Variants in OSBPL10 observed in about 807,000 individuals in gnomAD.
The protein encoded by OSBPL10 is oxysterol-binding protein-related protein 10.
OSBPL10 carries 49 observed loss-of-function variants against 81.7 expected under a neutral mutation model. The observed-to-expected ratio is 0.60, with a 90% CI of 0.48 to 0.76. OSBPL10 has a LOEUF of 0.76. OSBPL10 is among the 30% of genes least tolerant of loss of function. The probability of loss-of-function intolerance (pLI) is 0.00; values close to 1 mark genes in which losing one functional copy is unlikely to be tolerated. For missense variants in OSBPL10, 923 were observed against 987.8 expected (o/e 0.93, Z 0.88); for synonymous variants, 419 against 383.6 (o/e 1.09, Z -1.08).
intron 4 of OSBPL10, among the ~76,000 whole-genome samples, chr3:31,763,767 T>C (rs1186513430): frequency 6.6e-6 from 1 of 152,086 alleles, no homozygotes; most frequent in Non-Finnish European, 1.5e-5. Context: ...CATCTCCAAA[T>C]GGCACTTGAA....
intron 1 of OSBPL10, among the ~76,000 whole-genome samples, chr3:31,913,334 C>T (rs149650211): frequency 0.02 from 2,990 of 151,914 alleles, 38 homozygotes; most frequent in Non-Finnish European, 0.029. Context: ...CTACAACCTC[C>T]ACCTCCCAGG....
intron 11 of OSBPL10, chr3:31,663,191 T>A: frequency 1.0e-6 from 1 of 985,414 alleles, no homozygotes; most frequent in Non-Finnish European, 1.2e-6. Flanking sequence ...AGCCCACAGA[T>A]ACATTTTGAT....
intron 1 of OSBPL10, among the ~76,000 whole-genome samples, chr3:31,921,920 G>C (rs765690146): frequency 6.6e-6 from 1 of 152,178 alleles, no homozygotes; most frequent in Non-Finnish European, 1.5e-5. Context: ...CTTTCCCTCT[G>C]TGATCTTCCT....
rs59233088 is a variant in OSBPL10, at chr3:31,878,815, ATGTG to A, written c.457+836_457+839del. On this transcript the variant is annotated intron_variant, in intron 2 of 11. Transcript: ENST00000396556. ...TAAATAATATAGACTCTGCGTGTCCATGTGTGTGTGTGTGTGTGTGTGTGTGTGT... is the reference window on the plus strand; with the variant it reads ...TAAATAATATAGACTCTGCGTGTCCATGTGTGTGTGTGTGTGTGTGTGTGT... 6.3e-3 allele frequency among the ~76,000 whole-genome samples: 855 copies of A among 136,402 alleles called. 9 individuals are homozygous for A. The highest frequency in any genetic ancestry group is 0.022 in the African/African-American group (757 of 35,112). 89.5% of individuals were successfully genotyped at this position (136,402 alleles called of 152,430 possible). A position where few individuals can be genotyped will look rare whatever the true frequency, so the allele number is the denominator to read the frequency against.
chr3:31,996,926 C>T (rs1311544291), intron 2 of OSBPL10, among the ~76,000 whole-genome samples: 1 of 152,160 alleles, frequency 6.6e-6, no homozygotes, highest in Admixed American at 6.5e-5. Flanking sequence ...AGCTTCTACC[C>T]TTCTTCCCAG....
At chr3:32,057,910 A>G (rs1699725198) in intron 1 of OSBPL10, among the ~76,000 whole-genome samples, 1 of 152,224 alleles carries the variant, frequency 6.6e-6, no homozygotes, top group Non-Finnish European at 1.5e-5. Flanking sequence ...CACTTGAGGA[A>G]GGGCAACCTA....
At chr3:31,926,208 T>C (rs987863714) in intron 1 of OSBPL10, among the ~76,000 whole-genome samples, 1 of 150,498 alleles carries the variant, frequency 6.6e-6, no homozygotes, top group South Asian at 2.1e-4. Flanking sequence ...CATTTTCTTA[T>C]AATAACATAA....
chr3:31,919,323 G>A (rs1384608693), intron 1 of OSBPL10: 1 of 152,176 alleles, frequency 6.6e-6, no homozygotes, highest in Non-Finnish European at 1.5e-5. Flanking sequence ...AATTCCCTAT[G>A]ACTTATTTAT....
chr3:32,043,915 G>A (rs966856727), intron 2 of OSBPL10, among the ~76,000 whole-genome samples: 3 of 152,046 alleles, frequency 2.0e-5, no homozygotes, highest in Non-Finnish European at 4.4e-5. Context: ...TATTAGAGGG[G>A]GAATGGAGGG....
At chr3:31,675,593 A>C (rs916480457) in intron 8 of OSBPL10, among the ~76,000 whole-genome samples, 9 of 152,172 alleles carry the variant, frequency 5.9e-5, no homozygotes, top group African/African-American at 1.9e-4. Context: ...TTTATGTCTT[A>C]ATTACTCCTC....
At chr3:31,908,325 TG>T (rs760778034) in intron 1 of OSBPL10, among the ~76,000 whole-genome samples, 22 of 152,238 alleles carry the variant, frequency 1.4e-4, no homozygotes, top group Non-Finnish European at 3.1e-4. Context: ...GAATGATGCT[TG>T]GGTGGGTGGA....
chr3:31,776,583 T>C (rs1269354629), intron 4 of OSBPL10, among the ~76,000 whole-genome samples: 2 of 152,128 alleles, frequency 1.3e-5, no homozygotes, highest in African/African-American at 4.8e-5. Flanking sequence ...TGGATAAATG[T>C]GGTATATCCA....
chr3:31,841,541 G>C (rs1260225846), intron 3 of OSBPL10, among the ~76,000 whole-genome samples: 1 of 152,216 alleles, frequency 6.6e-6, no homozygotes, highest in East Asian at 1.9e-4. Flanking sequence ...TATTTTAAAT[G>C]AGAAGATATT....
chr3:31,994,007 C>A (rs34743632), intron 2 of OSBPL10, among the ~76,000 whole-genome samples: 52,674 of 151,986 alleles, frequency 0.35, 12,768 homozygotes, highest in African/African-American at 0.68. Context: ...AAATGTAAAC[C>A]AACTATGGTA....
chr3:31,662,310 T>G, intron 11 of OSBPL10, 194 bp from the exon 12 acceptor site: 1 of 1,310,198 alleles, frequency 7.6e-7, no homozygotes. Context: ...CTTCCTACCC[T>G]GGCATGGCAG....
rs1358617182 is a variant in OSBPL10 at position 32,052,935 on chromosome 3, G to A, written n.186-6332C>T. On this transcript the variant is annotated intron_variant and non_coding_transcript_variant, in intron 1 of 3. Transcript: ENST00000479173. ...GTGTACCTACGTAACAAACCTGCAC[G>A]TTCTGCACATATATCCCAGAACTTA... Among the ~76,000 whole-genome samples the A allele has an allele frequency of 4.6e-5, 7 of 151,316 alleles. No homozygotes were observed. In the East Asian group the frequency reaches 7.9e-4, roughly 17 times the overall value.
chr3:31,829,106 C>G (rs1700168120), intron 4 of OSBPL10, among the ~76,000 whole-genome samples: 1 of 152,108 alleles, frequency 6.6e-6, no homozygotes, highest in African/African-American at 2.4e-5. Flanking sequence ...AAGCCAGACG[C>G]ATGCTAACTC....
chr3:31,987,747 C>T (rs1036820498), intron 2 of OSBPL10, among the ~76,000 whole-genome samples: 1 of 152,194 alleles, frequency 6.6e-6, no homozygotes, highest in Admixed American at 6.5e-5. Context: ...TATAATGTCA[C>T]TTTGCCACAT....
At chr3:31,712,994 C>G (rs1245552647) in intron 6 of OSBPL10, among the ~76,000 whole-genome samples, 1 of 152,238 alleles carries the variant, frequency 6.6e-6, no homozygotes, top group Non-Finnish European at 1.5e-5. Flanking sequence ...CTCATGGTTT[C>G]TCACAACCTC....
Sources: allele counts gnomAD v4.1 joint callset (sites outside exome capture counted in the v4.1 genomes callset), GRCh38; gene constraint gnomAD v4.1.1; transcripts MANE v1.5; gene names NCBI Gene and HGNC (gene_info 2026-07-23, HGNC 2026-07-21).